The following COL19A1 variants were observed in gnomAD, a reference collection of about 807,000 sequenced individuals.
COL19A1 encodes the protein collagen alpha-1(XIX) chain.
A neutral mutation model predicts 190.2 loss-of-function variants in COL19A1; 159 were observed. The observed-to-expected ratio is 0.84, with a 90% CI of 0.73 to 0.95. The LOEUF (loss-of-function observed/expected upper bound fraction) is 0.95. COL19A1 is among the 40% of genes least tolerant of loss of function. The pLI is 0.00. For synonymous variants in COL19A1, 509 were observed against 458.9 expected, an observed-to-expected ratio of 1.11 and a Z score of -1.39; for missense variants, 1,418 against 1,431.9, an observed-to-expected ratio of 0.99 and a Z score of 0.16.
At chr6:70,195,826 T>G (rs949518114) in intron 48 of COL19A1, among the ~76,000 whole-genome samples, 11 of 152,228 alleles carry the variant, frequency 7.2e-5, no homozygotes, top group African/African-American at 2.7e-4. Flanking sequence ...TTTCTTGCAT[T>G]TGTTAAGTAA....
At chr6:70,154,979 T>A (rs997605773) in intron 31 of COL19A1, among the ~76,000 whole-genome samples, 2 of 152,136 alleles carry the variant, frequency 1.3e-5, no homozygotes, top group African/African-American at 4.8e-5. Flanking sequence ...CCAACTCAAA[T>A]GTTAATCTCC....
Position 70,028,193 on chromosome 6 carries a change from C to T in COL19A1, c.1080+4513C>T, listed in dbSNP as rs75869879. ...CATACAGTGGGAGCCATAAAAAATACGAGACTCAAAGAAAGGCCAGATGGT... is the reference window on the plus strand; with the variant it reads ...CATACAGTGGGAGCCATAAAAAATATGAGACTCAAAGAAAGGCCAGATGGT... On this transcript the variant is annotated intron_variant, in intron 12 of 50. Coordinates refer to ENST00000620364, the MANE Select transcript of COL19A1 (RefSeq NM_001858.6). Among the ~76,000 whole-genome samples, 533 of 152,106 alleles carry T rather than the reference C, an allele frequency of 3.5e-3. 2 individuals are homozygous for T. The highest frequency in any genetic ancestry group is 0.012 in the African/African-American group (511 of 41,500).
In COL19A1 at chr6:70,161,860, A is replaced by G. The variant is rs377765248; in HGVS notation, c.2293-40A>G. 7.3e-4 allele frequency: 1,128 copies of G among 1,547,982 alleles called. 3 individuals are homozygous for G. Among genetic ancestry groups the G allele is most frequent in the Non-Finnish European group, 9.3e-4 (1,057 of 1,141,642 alleles). On this transcript the variant is annotated intron_variant, in intron 34 of 50. Coordinates refer to ENST00000620364, the MANE Select transcript of COL19A1 (RefSeq NM_001858.6). ...GATTAACTAAAATGCCTTCTTCCCA[A>G]TGATATAACAGATTTTATGATGGGA...
chr6:70,183,873 G>C (rs374720865), intron 44 of COL19A1, among the ~76,000 whole-genome samples: 3 of 152,130 alleles, frequency 2.0e-5, no homozygotes, highest in African/African-American at 7.2e-5. Flanking sequence ...TCCTCACCTT[G>C]ATCTTCCTCT....
intron 41 of COL19A1, among the ~76,000 whole-genome samples, chr6:70,173,185 A>G (rs1425092221): frequency 6.6e-6 from 1 of 152,228 alleles, no homozygotes; most frequent in Non-Finnish European, 1.5e-5. Context: ...ATTTGGAGAT[A>G]TCTGTTAGAC....
chr6:69,969,554 TAAC>T (rs943290457), intron 11 of COL19A1, among the ~76,000 whole-genome samples: 5 of 152,082 alleles, frequency 3.3e-5, no homozygotes, highest in African/African-American at 1.2e-4. Flanking sequence ...AAATTAAAAA[TAAC>T]AATACAACAA....
At chr6:70,124,430 C>T (rs1355118067) in intron 17 of COL19A1, among the ~76,000 whole-genome samples, 1 of 152,070 alleles carries the variant, frequency 6.6e-6, no homozygotes, top group Admixed American at 6.5e-5. Context: ...GTCTCCCAAC[C>T]CTACTTCTCT....
intron 16 of COL19A1, among the ~76,000 whole-genome samples, chr6:70,115,209 G>A (rs551570901): frequency 5.9e-4 from 89 of 152,126 alleles, no homozygotes; most frequent in East Asian, 1.7e-3. Flanking sequence ...TGTCCTACCC[G>A]CCTTGCTCTT....
chr6:70,085,897 A>G lies in COL19A1; in HGVS notation c.1225-16272A>G, dbSNP rs140924785. Among the ~76,000 whole-genome samples, 4 of 152,348 alleles carry G rather than the reference A, an allele frequency of 2.6e-5. No individual in the cohort carries two copies. In the East Asian group the frequency reaches 7.7e-4, roughly 29 times the overall value. ...CATATGATACCCAATTTGTATTTTG[A>G]AATTCAGCTGGATAAATTGAAATGC... On this transcript the variant is annotated intron_variant, in intron 15 of 50. Transcript: ENST00000620364.
intron 19 of COL19A1, among the ~76,000 whole-genome samples, chr6:70,140,406 C>G (rs1430276743): frequency 6.6e-6 from 1 of 151,402 alleles, no homozygotes; most frequent in Non-Finnish European, 1.5e-5. Flanking sequence ...TATTTTTTAT[C>G]CACAATTGCT....
intron 15 of COL19A1, among the ~76,000 whole-genome samples, chr6:70,096,744 A>G (rs534561989): frequency 8.8e-4 from 134 of 152,298 alleles, no homozygotes; most frequent in African/African-American, 3.1e-3. Context: ...TAAATATGAA[A>G]TAACAGCTTT....
intron 12 of COL19A1, among the ~76,000 whole-genome samples, chr6:70,026,365 C>T (rs1223584496): frequency 6.6e-6 from 1 of 152,294 alleles, no homozygotes; most frequent in East Asian, 1.9e-4. Context: ...GCCTAGTGAG[C>T]AGTGTGAATG....
At position 70,187,159 on chromosome 6, in the gene COL19A1, C is replaced by T. The variant is rs143070217; in HGVS notation, c.2857-916C>T. On this transcript the variant is annotated intron_variant, in intron 46 of 50. Transcript: ENST00000620364. The stretch of plus-strand genomic sequence containing the variant: ...CCTCCCAAAGTGCTGTGATTACAGG[C>T]GTGAGCCACCGCGCCTGGCCCAACT... Among the ~76,000 whole-genome samples, 17 of 152,238 alleles carry T rather than the reference C, an allele frequency of 1.1e-4. No homozygotes were observed. In the East Asian group the frequency reaches 2.7e-3, roughly 24 times the overall value.
At chr6:69,999,917 A>G (rs566090953) in intron 11 of COL19A1, among the ~76,000 whole-genome samples, 39 of 152,242 alleles carry the variant, frequency 2.6e-4, no homozygotes, top group South Asian at 8.3e-4. Context: ...TTCAGGATAC[A>G]TGTACAGTAC....
intron 14 of COL19A1, among the ~76,000 whole-genome samples, chr6:70,045,588 A>C (rs1779867122): frequency 6.6e-6 from 1 of 152,224 alleles, no homozygotes; most frequent in Non-Finnish European, 1.5e-5. Context: ...TACAGCTGGC[A>C]ACAGCTGAAA....
intron 16 of COL19A1, among the ~76,000 whole-genome samples, chr6:70,113,729 G>C (rs1371523662): frequency 6.6e-6 from 1 of 151,352 alleles, no homozygotes; most frequent in African/African-American, 2.4e-5. Flanking sequence ...TCTAGTAGAA[G>C]CCCTCCATGA....
At chr6:69,963,468 T>A (rs1774918215) in intron 11 of COL19A1, among the ~76,000 whole-genome samples, 1 of 152,098 alleles carries the variant, frequency 6.6e-6, no homozygotes, top group African/African-American at 2.4e-5. Context: ...GAAAAGTGTG[T>A]GGCCAAGGCT....
At chr6:70,175,406 T>G (rs1277633854) in intron 41 of COL19A1, among the ~76,000 whole-genome samples, 3 of 152,052 alleles carry the variant, frequency 2.0e-5, no homozygotes. Context: ...ATATATTCTT[T>G]GAGCTCTTTT....
chr6:69,925,009 C>T (rs1489940039), intron 4 of COL19A1, among the ~76,000 whole-genome samples: 1 of 152,122 alleles, frequency 6.6e-6, no homozygotes, highest in African/African-American at 2.4e-5. Context: ...GAGTAGATTG[C>T]AAAAATTTTC....
Sources: allele counts gnomAD v4.1 joint callset (sites outside exome capture counted in the v4.1 genomes callset), GRCh38; gene constraint gnomAD v4.1.1; transcripts MANE v1.5; gene names NCBI Gene and HGNC (gene_info 2026-07-23, HGNC 2026-07-21).